The following MAN2B2 variants were observed in gnomAD, a reference collection of about 807,000 sequenced individuals.
MAN2B2 encodes the protein epididymis-specific alpha-mannosidase.
A neutral mutation model predicts 117.1 loss-of-function variants in MAN2B2; 106 were observed. That is an observed-to-expected ratio of 0.90 (90% CI 0.77 to 1.06). The LOEUF (loss-of-function observed/expected upper bound fraction) is 1.06, where lower values mean the gene tolerates loss of function less well. Among genes scored for constraint, MAN2B2 ranks in the 50% least tolerant of loss-of-function variants. MAN2B2 has a pLI of 0.00. For synonymous variants in MAN2B2, 544 were observed against 595.1 expected (o/e 0.91, Z 1.25); for missense variants, 1,326 against 1,381.4 (o/e 0.96, Z 0.64).
At chr4:6,584,110 C>A (rs1018691539) in intron 3 of MAN2B2, among the ~76,000 whole-genome samples, 2 of 152,216 alleles carry the variant, frequency 1.3e-5, no homozygotes, top group Non-Finnish European at 2.9e-5. Context: ...CAATTTCTCA[C>A]TTCTAGAGAG....
intron 16 of MAN2B2, among the ~76,000 whole-genome samples, chr4:6,614,730 T>A (rs1459921422): frequency 6.6e-6 from 1 of 152,166 alleles, no homozygotes; most frequent in Non-Finnish European, 1.5e-5. Flanking sequence ...TTCCCACTCA[T>A]CCTCCAAGTT....
At chr4:6,594,038 C>T (rs1577281249) in intron 6 of MAN2B2, among the ~76,000 whole-genome samples, 1 of 152,142 alleles carries the variant, frequency 6.6e-6, no homozygotes, top group African/African-American at 2.4e-5. Flanking sequence ...AGCTTAAGAT[C>T]AGTAACTCAG....
At chr4:6,579,021 TCACCATCACCACTACCAC>T (rs1726187233) in intron 3 of MAN2B2, among the ~76,000 whole-genome samples, 1 of 60,598 alleles carries the variant, frequency 1.7e-5, no homozygotes. Context: ...ACCACCACCA[TCACCATCACCACTACCAC>T]CATCACCACC....
At chr4:6,595,521 T>G (rs1359480096) in intron 7 of MAN2B2, among the ~76,000 whole-genome samples, 1 of 152,190 alleles carries the variant, frequency 6.6e-6, no homozygotes, top group Non-Finnish European at 1.5e-5. Context: ...GAGAGGGCCT[T>G]CTTTCTGCAT....
At chr4:6,615,744 G>A (rs898361081) in intron 16 of MAN2B2, among the ~76,000 whole-genome samples, 6 of 152,054 alleles carry the variant, frequency 3.9e-5, no homozygotes, top group African/African-American at 1.4e-4. Flanking sequence ...AGGCTGCAGT[G>A]AGCTGTAATC....
rs531461613 is a variant in MAN2B2 at position 6,604,024 on chromosome 4, G to C, written c.1540-1031G>C. Among the ~76,000 whole-genome samples the C allele has an allele frequency of 2.6e-5, 4 of 152,336 alleles. No individual in the cohort carries two copies. The East Asian group carries it at 5.8e-4, about 22-fold the overall frequency. On this transcript the variant is annotated intron_variant, in intron 10 of 18. Coordinates refer to ENST00000285599, the MANE Select transcript of MAN2B2 (RefSeq NM_015274.3). ...AGCAGAGGCCAGGAGGGTTAACCTGGAAAAGTCCGTCCACGTGGGGATGAG... is the reference window on the plus strand; with the variant it reads ...AGCAGAGGCCAGGAGGGTTAACCTGCAAAAGTCCGTCCACGTGGGGATGAG...
At chr4:6,590,275 C>G (rs1385854986) in intron 5 of MAN2B2, among the ~76,000 whole-genome samples, 1 of 151,562 alleles carries the variant, frequency 6.6e-6, no homozygotes, top group African/African-American at 2.4e-5. Flanking sequence ...ATCCCAACTA[C>G]TTGGGAGGCT....
intron 18 of MAN2B2, 37 bp from the exon 19 acceptor site, chr4:6,621,151 C>A: frequency 6.5e-7 from 1 of 1,535,508 alleles, no homozygotes; most frequent in Non-Finnish European, 9.0e-7. Flanking sequence ...AGGAGGCATC[C>A]CAGGCCACAC....
At position 6,605,190 on chromosome 4, in the gene MAN2B2, G is replaced by A. The variant is rs1335623397; in HGVS notation, c.1675G>A (p.Val559Met). 5 of 1,614,242 alleles carry A rather than the reference G, an allele frequency of 3.1e-6. No homozygotes were observed. The highest frequency in any genetic ancestry group is 1.7e-5 in the Admixed American group (1 of 60,034). The part of the protein sequence containing the change: ...QEGTQEPAAT[V>M]ASTLQFGRRL... ...GGGCACCCAGGAGCCGGCTGCCACTGTGGCGAGCACCCTTCAATTTGGCCG... is the reference window on the plus strand; with the variant it reads ...GGGCACCCAGGAGCCGGCTGCCACTATGGCGAGCACCCTTCAATTTGGCCG... The change falls in exon 11 of 19, where the codon GTG becomes ATG. Residue 559 changes from valine to methionine, a missense_variant. Transcript: ENST00000285599.
intron 10 of MAN2B2, among the ~76,000 whole-genome samples, chr4:6,603,849 G>A (rs1247412831): frequency 1.3e-5 from 2 of 152,152 alleles, no homozygotes; most frequent in South Asian, 2.1e-4. Flanking sequence ...CAGGCAGACA[G>A]GGAACAGGTA....
intron 3 of MAN2B2, among the ~76,000 whole-genome samples, chr4:6,584,632 G>A (rs1046167184): frequency 6.6e-6 from 1 of 152,226 alleles, no homozygotes; most frequent in African/African-American, 2.4e-5. Flanking sequence ...GGCAGTTTCC[G>A]ATGGGTCAAG....
intron 16 of MAN2B2, 30 bp from the exon 17 acceptor site, chr4:6,617,350 T>C (rs1711932338): frequency 1.3e-6 from 2 of 1,593,646 alleles, no homozygotes; most frequent in African/African-American, 1.3e-5. Flanking sequence ...GATGAGGGTC[T>C]TCACTGCCAC....
In MAN2B2 at chr4:6,611,128, C is replaced by T; in HGVS notation, c.2413C>T (p.Leu805=). 4.3e-6 allele frequency: 7 copies of T among 1,613,842 alleles called. No individual in the cohort carries two copies. Among genetic ancestry groups the T allele is most frequent in the South Asian group, 1.1e-5 (1 of 91,068 alleles). Reference sequence around the variant, plus strand: ...GCTGTGGAACAACTTCGACTGGGACCTGGGCTACAACCTCACGCTGAACGA... The same window carrying T: ...GCTGTGGAACAACTTCGACTGGGACTTGGGCTACAACCTCACGCTGAACGA... ...RRLWNNFDWD[L]GYNLTLNDTS... The change falls in exon 15 of 19, where the codon CTG becomes TTG. Residue 805 remains leucine, a synonymous_variant. Transcript: ENST00000285599.
chr4:6,622,009 G>C lies in MAN2B2; in HGVS notation c.*724G>C, dbSNP rs1712197986. 1 of 152,278 alleles carries C rather than the reference G, an allele frequency of 6.6e-6. No individual in the cohort carries two copies. The highest frequency in any genetic ancestry group is 1.5e-5 in the Non-Finnish European group (1 of 68,068). The allele number at this position is 152,278 out of a possible 1,614,324, so 9.4% of individuals were successfully genotyped here. On this transcript the variant is annotated 3_prime_UTR_variant, in exon 19 of 19. Transcript: ENST00000285599. Reference sequence around the variant, plus strand: ...CAATACCTGTGCTCCCGCGTTCATAGCAGCATTACTCAAAAGTCAAACGGT... The same window carrying C: ...CAATACCTGTGCTCCCGCGTTCATACCAGCATTACTCAAAAGTCAAACGGT...
intron 6 of MAN2B2, among the ~76,000 whole-genome samples, chr4:6,593,715 C>T (rs56245974): frequency 2.6e-5 from 4 of 152,216 alleles, no homozygotes; most frequent in African/African-American, 9.6e-5. Flanking sequence ...AGAGGTGAAG[C>T]GTTCCCGGGA....
At chr4:6,598,926 G>A (rs1024210378) in intron 9 of MAN2B2, among the ~76,000 whole-genome samples, 1 of 152,212 alleles carries the variant, frequency 6.6e-6, no homozygotes, top group South Asian at 2.1e-4. Flanking sequence ...GTTTTCCCAC[G>A]TGTAGAGTGA....
rs1288865542 is a variant in MAN2B2 at position 6,575,363 on chromosome 4, C to A, written c.138+15C>A. The A allele has an allele frequency of 6.7e-7, 1 of 1,485,544 alleles. No individual in the cohort carries two copies. Among genetic ancestry groups the A allele is most frequent in the East Asian group, 2.6e-5 (1 of 38,064 alleles). 92.0% of individuals were successfully genotyped at this position (1,485,544 alleles called of 1,614,324 possible). A position where few individuals can be genotyped will look rare whatever the true frequency, so the allele number is the denominator to read the frequency against. ...ACACTGTGCAGGTAGGTGCCGACCA[C>A]GCCCCGCGCGCCCCTGAGGCTGCAG... On this transcript the variant is annotated intron_variant, in intron 1 of 18. Coordinates refer to ENST00000285599, the MANE Select transcript of MAN2B2 (RefSeq NM_015274.3).
At position 6,578,471 on chromosome 4, in the gene MAN2B2, CT is replaced by C; in HGVS notation, c.366del (p.Asp123MetfsTer58). ...QVMHDEAVTH[L>X]DDQILQLTEG... ...CATGCATGACGAGGCTGTGACGCAC[CT>C]TGATGACCAGATCCTGCAGCTCACA... On this transcript the variant is annotated frameshift_variant, in exon 3 of 19. Transcript: ENST00000285599. LOFTEE classifies it high-confidence loss of function. The C allele has an allele frequency of 6.2e-7, 1 of 1,613,480 alleles. No individual in the cohort carries two copies. The highest frequency in any genetic ancestry group is 1.1e-5 in the South Asian group (1 of 90,990).
intron 11 of MAN2B2, among the ~76,000 whole-genome samples, chr4:6,608,269 T>C (rs1727624466): frequency 6.6e-6 from 1 of 152,150 alleles, no homozygotes; most frequent in Non-Finnish European, 1.5e-5. Flanking sequence ...AATTCTTTTC[T>C]TTCTCCTCCT....
Sources: gnomAD v4.1 joint callset for allele counts (sites outside exome capture counted in the v4.1 genomes callset) on GRCh38, gnomAD v4.1.1 for gene constraint, MANE v1.5 for transcripts, NCBI Gene and HGNC (gene_info 2026-07-23, HGNC 2026-07-21) for gene names.